The following ASH1L variants were observed in gnomAD, a reference collection of about 807,000 sequenced individuals.
The protein encoded by ASH1L is ASH1 like histone lysine methyltransferase.
ASH1L carries 23 observed loss-of-function variants against 269.0 expected under a neutral mutation model. The ratio of observed to expected loss-of-function variants is 0.09; its 90% confidence interval spans 0.06 to 0.12. The LOEUF (loss-of-function observed/expected upper bound fraction) is 0.12. ASH1L is among the 10% of genes least tolerant of loss of function. The pLI is 1.00. For synonymous variants in ASH1L, 1,187 were observed against 1,253.5 expected (o/e 0.95, Z 1.12); for missense variants, 2,912 against 3,567.8 (o/e 0.82, Z 4.68).
chr1:155,346,550 G>T, intron 20 of ASH1L, 81 bp from the exon 21 acceptor site: 2 of 1,161,660 alleles, frequency 1.7e-6, no homozygotes, highest in Non-Finnish European at 2.6e-6. Context: ...TAAAAAATTA[G>T]CAATAGGTCA....
intron 1 of ASH1L, among the ~76,000 whole-genome samples, chr1:155,550,286 G>C (rs1397355819): frequency 6.6e-6 from 1 of 152,112 alleles, no homozygotes; most frequent in Non-Finnish European, 1.5e-5. Flanking sequence ...CCAAAGTGCT[G>C]GGATTAGAGG....
At chr1:155,548,667 G>A (rs1413359061) in intron 1 of ASH1L, among the ~76,000 whole-genome samples, 2 of 152,056 alleles carry the variant, frequency 1.3e-5, no homozygotes, top group African/African-American at 2.4e-5. Context: ...TTTTAGTTCT[G>A]GTATTCTAGA....
chr1:155,482,797 AC>A (rs1023648734), intron 2 of ASH1L, among the ~76,000 whole-genome samples: 1 of 152,178 alleles, frequency 6.6e-6, no homozygotes, highest in Non-Finnish European at 1.5e-5. Context: ...ATATGAAGTT[AC>A]CATTTTTGAA....
intron 10 of ASH1L, among the ~76,000 whole-genome samples, chr1:155,376,595 C>T (rs1022035960): frequency 6.6e-6 from 1 of 152,100 alleles, no homozygotes; most frequent in Admixed American, 6.6e-5. Context: ...AGGAGAATCA[C>T]TTGAACCTGG....
chr1:155,479,349 A>G lies in ASH1L; in HGVS notation c.3521T>C (p.Leu1174Ser), dbSNP rs1262008831. Residue 1174 changes from leucine to serine, a missense_variant, in exon 3 of 28, where the codon TTG becomes TCG. Physicochemically the swap from Leu to Ser is moderately radical, Grantham distance 145. Coordinates refer to ENST00000392403, the MANE Select transcript of ASH1L (RefSeq NM_018489.3). ...TTCTTTTAGAGATGTGAGTTCACTC[A>G]AGTGCGAAGGAGAATTTGGCAACAA... Reference protein sequence around the residue: ...PTLLPNSPSHLSELTSLKEAT... With the variant: ...PTLLPNSPSHSSELTSLKEAT... The G allele has an allele frequency of 6.2e-7, 1 of 1,614,164 alleles. No individual in the cohort carries two copies. The highest frequency in any genetic ancestry group is 1.7e-5 in the Admixed American group (1 of 60,022).
At chr1:155,376,204 G>A (rs1028374983) in intron 10 of ASH1L, among the ~76,000 whole-genome samples, 1 of 152,214 alleles carries the variant, frequency 6.6e-6, no homozygotes, top group Admixed American at 6.5e-5. Context: ...AAAACACTAT[G>A]TGAACCTGTA....
chr1:155,504,950 C>T (rs1425443032), intron 2 of ASH1L, among the ~76,000 whole-genome samples: 1 of 151,622 alleles, frequency 6.6e-6, no homozygotes, highest in Non-Finnish European at 1.5e-5. Flanking sequence ...AAAAATAGTC[C>T]AAAAAAGTGG....
At chr1:155,405,423 A>G (rs1355327756) in intron 6 of ASH1L, among the ~76,000 whole-genome samples, 2 of 152,264 alleles carry the variant, frequency 1.3e-5, no homozygotes, top group East Asian at 3.9e-4. Flanking sequence ...GGGAAGTTGC[A>G]GTGAGCCGAG....
At chr1:155,365,371 GATTTTT>G (rs757258684) in intron 12 of ASH1L, among the ~76,000 whole-genome samples, 2 of 127,028 alleles carry the variant, frequency 1.6e-5, no homozygotes, top group Non-Finnish European at 3.3e-5. Context: ...ATGCCCGGCT[GATTTTT>G]TTTTTTTTTT....
chr1:155,527,304 T>C (rs1669327937), intron 1 of ASH1L, among the ~76,000 whole-genome samples: 1 of 152,180 alleles, frequency 6.6e-6, no homozygotes, highest in East Asian at 1.9e-4. Context: ...TAGAATTCTC[T>C]ATATTGTCTA....
intron 7 of ASH1L, 66 bp downstream of exon 7, chr1:155,395,393 C>T: frequency 8.6e-7 from 1 of 1,160,752 alleles, no homozygotes; most frequent in Non-Finnish European, 1.2e-6. Flanking sequence ...ATTAAAAAGA[C>T]ATTTCCCTCA....
At chr1:155,557,529 C>T (rs1228708898) in intron 1 of ASH1L, among the ~76,000 whole-genome samples, 1 of 152,016 alleles carries the variant, frequency 6.6e-6, no homozygotes, top group Non-Finnish European at 1.5e-5. Context: ...ATCCGCCCAC[C>T]TCGGCCTCCC....
chr1:155,498,195 G>T (rs1667280896), intron 2 of ASH1L, among the ~76,000 whole-genome samples: 1 of 152,104 alleles, frequency 6.6e-6, no homozygotes, highest in Non-Finnish European at 1.5e-5. Flanking sequence ...CATAAAGACA[G>T]AAAACAGAAT....
chr1:155,504,900 G>A (rs943117922), intron 2 of ASH1L, among the ~76,000 whole-genome samples: 4 of 151,122 alleles, frequency 2.6e-5, no homozygotes, highest in Admixed American at 1.3e-4. Flanking sequence ...TAAATGACAG[G>A]GCCCCTACTT....
At chr1:155,532,901 G>A (rs1187147553) in intron 1 of ASH1L, among the ~76,000 whole-genome samples, 2 of 141,598 alleles carry the variant, frequency 1.4e-5, no homozygotes, top group African/African-American at 5.9e-5. Flanking sequence ...ATGTATGTAT[G>A]TATATGTATG....
intron 2 of ASH1L, among the ~76,000 whole-genome samples, chr1:155,483,087 G>A (rs894397874): frequency 2.6e-5 from 4 of 152,080 alleles, no homozygotes; most frequent in African/African-American, 2.4e-5. Flanking sequence ...GTCATTTACC[G>A]TAAAATGCTA....
In ASH1L at chr1:155,370,788, T is replaced by C. The variant is rs201585485; in HGVS notation, c.6528A>G (p.Glu2176=). ...ATTTACCACCGTACCTGAACTCCTGTTCACTGACGACCTCCCCTAGGTATT... is the reference window on the plus strand; with the variant it reads ...ATTTACCACCGTACCTGAACTCCTGCTCACTGACGACCTCCCCTAGGTATT... The part of the protein sequence containing the change: ...IIEYLGEVVS[E]QEFRNRMIEQ... Residue 2176 remains glutamate (E), a synonymous_variant, in exon 11 of 28, where the codon GAA becomes GAG. Transcript: ENST00000392403. 27 of 1,614,234 alleles carry C rather than the reference T, an allele frequency of 1.7e-5. No homozygotes were observed. The African/African-American group carries it at 3.5e-4, about 21-fold the overall frequency.
chr1:155,490,050 A>G (rs4971081), intron 2 of ASH1L, among the ~76,000 whole-genome samples: 144,870 of 150,986 alleles, frequency 0.96, 69,833 homozygotes, highest in East Asian at 1. Context: ...CTCACTGCAA[A>G]CTCCGCCTCC....
At chr1:155,485,916 T>G (rs1293991844) in intron 2 of ASH1L, among the ~76,000 whole-genome samples, 1 of 152,202 alleles carries the variant, frequency 6.6e-6, no homozygotes, top group South Asian at 2.1e-4. Flanking sequence ...CTAGTCACTA[T>G]GTTTTTGTAT....
Sources: allele counts gnomAD v4.1 joint callset (sites outside exome capture counted in the v4.1 genomes callset), GRCh38; gene constraint gnomAD v4.1.1; transcripts MANE v1.5; gene names NCBI Gene and HGNC (gene_info 2026-07-23, HGNC 2026-07-21).